Variants in GTF2H2 observed in about 807,000 individuals in gnomAD.
GTF2H2 encodes general transcription factor IIH subunit 2.
A neutral mutation model predicts 16.5 loss-of-function variants in GTF2H2; 2 were observed. That is an observed-to-expected ratio of 0.12 (90% CI 0.05 to 0.38). GTF2H2 has a LOEUF of 0.38. Among genes scored for constraint, GTF2H2 ranks in the 10% least tolerant of loss-of-function variants. GTF2H2 has a pLI of 0.99. For synonymous variants in GTF2H2, 8 were observed against 44.1 expected (o/e 0.18, Z 3.24); for missense variants, 20 against 137.0 (o/e 0.15, Z 4.26).
Position 71,046,097 on chromosome 5 carries a change from A to C in GTF2H2, c.758-590T>G, listed in dbSNP as rs867867446. Among the ~76,000 whole-genome samples, 35 of 133,126 alleles carry C rather than the reference A, an allele frequency of 2.6e-4. 4 individuals are homozygous for C. In the Middle Eastern group the frequency reaches 0.018, roughly 68 times the overall value. The allele number at this position is 133,126 out of a possible 152,430, so 87.3% of individuals were successfully genotyped here. On this transcript the variant is annotated intron_variant, in intron 11 of 15. Coordinates refer to ENST00000274400, the Ensembl canonical transcript of GTF2H2. ...ATTTGTTTTCCATATACAATTTTAA[A>C]TTCTGAAAACATGTTCAGGAAAAGC...
intron 14 of GTF2H2, among the ~76,000 whole-genome samples, chr5:71,038,761 G>A (rs1487647682): frequency 4.1e-4 from 3 of 7,286 alleles, no homozygotes; most frequent in African/African-American, 1.5e-3. Flanking sequence ...AATCTTCTCC[G>A]GAATAGTCTA....
chr5:71,035,964 A>AT (rs1211641237), intron 15 of GTF2H2, among the ~76,000 whole-genome samples, 168 bp from the exon 16 acceptor site: 3 of 41,082 alleles, frequency 7.3e-5, no homozygotes, highest in African/African-American at 3.7e-4. Flanking sequence ...AAGGCAATTA[A>AT]TTTTTTCCCC....
chr5:71,054,144 T>C (rs187124945), intron 8 of GTF2H2, among the ~76,000 whole-genome samples: 2 of 144,466 alleles, frequency 1.4e-5, no homozygotes, highest in African/African-American at 5.3e-5. Context: ...ATCATGAACA[T>C]TAATATTGCA....
exon 4 of GTF2H2, chr5:71,061,298 G>A (rs748179407): frequency 1.3e-6 from 2 of 1,510,528 alleles, no homozygotes; most frequent in Admixed American, 3.8e-5. Flanking sequence ...TGTCCATGGT[G>A]CTCAAATACT....
chr5:71,061,264 T>A lies in GTF2H2; in HGVS notation c.171+8A>T, dbSNP rs761596677. Reference sequence around the variant, plus strand: ...TCTGTACTAGTAAAAGAAAAAATAATGACATACCATTCCAAGTCGAACTTG... The same window carrying A: ...TCTGTACTAGTAAAAGAAAAAATAAAGACATACCATTCCAAGTCGAACTTG... On this transcript the variant is annotated splice_region_variant and intron_variant, in intron 4 of 15. Transcript: ENST00000274400. 4.6e-6 allele frequency: 6 copies of A among 1,312,602 alleles called. 1 individual carries two copies. The highest frequency in any genetic ancestry group is 5.3e-6 in the Non-Finnish European group (5 of 938,332). 81.3% of individuals were successfully genotyped at this position (1,312,602 alleles called of 1,614,324 possible). A position where few individuals can be genotyped will look rare whatever the true frequency, so the allele number is the denominator to read the frequency against.
intron 8 of GTF2H2, among the ~76,000 whole-genome samples, chr5:71,054,006 T>C (rs1752979137): frequency 7.5e-6 from 1 of 132,730 alleles, no homozygotes; most frequent in Non-Finnish European, 1.6e-5. Context: ...TTAAATCTTA[T>C]GAATTATTTA....
chr5:71,055,202 C>A (rs185679785), intron 8 of GTF2H2, 150 bp downstream of exon 8: 6 of 704,996 alleles, frequency 8.5e-6, no homozygotes, highest in Non-Finnish European at 1.3e-5. Flanking sequence ...CTAACCAACA[C>A]CACACTAAAC....
chr5:71,045,964 G>T (rs1479346067), intron 11 of GTF2H2, among the ~76,000 whole-genome samples: 1 of 144,228 alleles, frequency 6.9e-6, no homozygotes, highest in Non-Finnish European at 1.5e-5. Flanking sequence ...TAAAGAGGTT[G>T]TAATTTTTAC....
intron 8 of GTF2H2, among the ~76,000 whole-genome samples, chr5:71,053,326 GGA>G (rs1752917188): frequency 7.0e-6 from 1 of 142,218 alleles, no homozygotes; most frequent in African/African-American, 2.7e-5. Context: ...CCGAACAGAG[GGA>G]GAGAGACTGG....
At chr5:71,052,233 T>C (rs1752790363) in intron 8 of GTF2H2, among the ~76,000 whole-genome samples, 1 of 138,534 alleles carries the variant, frequency 7.2e-6, no homozygotes, top group Non-Finnish European at 1.6e-5. Context: ...AATGGCGCGA[T>C]CTCGGCTCAC....
intron 8 of GTF2H2, among the ~76,000 whole-genome samples, chr5:71,051,098 C>T (rs1752675158): frequency 7.0e-6 from 1 of 143,012 alleles, no homozygotes; most frequent in Non-Finnish European, 1.5e-5. Context: ...CCACCCGCCT[C>T]GGCCTCCCAA....
rs1382596505 is a variant in GTF2H2 at position 71,052,814 on chromosome 5, C to T, written c.470+2538G>A. Among the ~76,000 whole-genome samples the T allele has an allele frequency of 6.5e-4, 40 of 61,286 alleles. 1 individual carries two copies. Among genetic ancestry groups the T allele is most frequent in the Admixed American group, 2.2e-3 (11 of 5,032 alleles). 40.2% of individuals were successfully genotyped at this position (61,286 alleles called of 152,430 possible). A position where few individuals can be genotyped will look rare whatever the true frequency, so the allele number is the denominator to read the frequency against. Reference sequence around the variant, plus strand: ...ACAAGCTGGAGTACAGTAGCACAATCGTAGCTCACTGCAGCCTCAAACTAC... The same window carrying T: ...ACAAGCTGGAGTACAGTAGCACAATTGTAGCTCACTGCAGCCTCAAACTAC... On this transcript the variant is annotated intron_variant, in intron 8 of 15. Transcript: ENST00000274400.
Position 71,051,946 on chromosome 5 carries a change from G to C in GTF2H2, c.471-2788C>G, listed in dbSNP as rs1474444744. Among the ~76,000 whole-genome samples the C allele has an allele frequency of 2.2e-5, 3 of 135,736 alleles. No homozygotes were observed. The East Asian group carries it at 6.0e-4, about 27-fold the overall frequency. The allele number at this position is 135,736 out of a possible 152,430, so 89.0% of individuals were successfully genotyped here. A position where few individuals can be genotyped will look rare whatever the true frequency, so the allele number is the denominator to read the frequency against. ...ATGCCTGTAGTCCCTGCTACTTGTG[G>C]GGCTGGGAGAATAGCTTGAGCCTGG... On this transcript the variant is annotated intron_variant, in intron 8 of 15. Coordinates refer to ENST00000274400, the Ensembl canonical transcript of GTF2H2.
chr5:71,054,306 C>G (rs1458840345), intron 8 of GTF2H2, among the ~76,000 whole-genome samples: 1 of 146,138 alleles, frequency 6.8e-6, no homozygotes, highest in Non-Finnish European at 1.5e-5. Context: ...CTTCTCAGCT[C>G]TCACTGGTAG....
chr5:71,051,081 A>G (rs1157107019), intron 8 of GTF2H2, among the ~76,000 whole-genome samples: 1 of 143,748 alleles, frequency 7.0e-6, no homozygotes, highest in Non-Finnish European at 1.5e-5. Flanking sequence ...TCCTGACCTC[A>G]AGTGATCCAC....
At chr5:71,055,153 C>A in intron 8 of GTF2H2, 199 bp downstream of exon 8, 1 of 430,934 alleles carries the variant, frequency 2.3e-6, no homozygotes, top group South Asian at 5.8e-5. Context: ...TTTTATAAAA[C>A]CTTTAACAAT....
intron 8 of GTF2H2, 154 bp downstream of exon 8, chr5:71,055,198 A>G: frequency 1.5e-6 from 1 of 670,932 alleles, no homozygotes; most frequent in Non-Finnish European, 2.2e-6. Context: ...ATTACTAACC[A>G]ACACCACACT....
At chr5:71,039,508 T>C (rs1193219873) in intron 14 of GTF2H2, among the ~76,000 whole-genome samples, 4 of 134,306 alleles carry the variant, frequency 3.0e-5, no homozygotes, top group African/African-American at 1.1e-4. Flanking sequence ...TGTCCTTCAA[T>C]ATAAAATTTC....
chr5:71,054,481 G>A lies in GTF2H2; in HGVS notation c.470+871C>T, dbSNP rs1209893685. Among the ~76,000 whole-genome samples, 3 of 145,118 alleles carry A rather than the reference G, an allele frequency of 2.1e-5. 1 individual carries two copies. The highest frequency in any genetic ancestry group is 4.5e-5 in the Non-Finnish European group (3 of 66,356). ...AGGCTGAGGTGGGCGGATCGCTTGAGGCCAGGAGTTCAAGACCAGCCTGGC... is the reference window on the plus strand; with the variant it reads ...AGGCTGAGGTGGGCGGATCGCTTGAAGCCAGGAGTTCAAGACCAGCCTGGC... On this transcript the variant is annotated intron_variant, in intron 8 of 15. Transcript: ENST00000274400.
Sources: allele counts gnomAD v4.1 joint callset (sites outside exome capture counted in the v4.1 genomes callset), GRCh38; gene constraint gnomAD v4.1.1; transcripts MANE v1.5; gene names NCBI Gene and HGNC (gene_info 2026-07-23, HGNC 2026-07-21).